Variants in SLC25A26 observed in about 807,000 individuals in gnomAD.
The protein encoded by SLC25A26 is solute carrier family 25 member 26.
A neutral mutation model predicts 37.8 loss-of-function variants in SLC25A26; 36 were observed. The ratio of observed to expected loss-of-function variants is 0.95; its 90% CI spans 0.73 to 1.26. The LOEUF is 1.26. Ranked by LOEUF, SLC25A26 falls within the 50% of genes most tolerant of loss-of-function variation. The pLI, the probability that SLC25A26 is intolerant of heterozygous loss-of-function variation, is 0.00. For missense variants in SLC25A26, 390 were observed against 331.1 expected, an observed-to-expected ratio of 1.18 and a Z score of -1.38; for synonymous variants, 129 against 122.5, an observed-to-expected ratio of 1.05 and a Z score of -0.35.
intron 3 of SLC25A26, among the ~76,000 whole-genome samples, chr3:66,249,890 C>G (rs188589368): frequency 3.9e-5 from 6 of 152,330 alleles, no homozygotes; most frequent in East Asian, 3.9e-4. Flanking sequence ...ACAGAACTGT[C>G]AGATACCTGA....
At chr3:66,136,987 T>C (rs2106656678) in intron 1 of SLC25A26, among the ~76,000 whole-genome samples, 1 of 152,286 alleles carries the variant, frequency 6.6e-6, no homozygotes, top group South Asian at 2.1e-4. Flanking sequence ...CTCTTATTTA[T>C]TGAAAATAAT....
intron 5 of SLC25A26, among the ~76,000 whole-genome samples, chr3:66,271,837 T>C (rs78315668): frequency 6.6e-6 from 1 of 152,140 alleles, no homozygotes; most frequent in Non-Finnish European, 1.5e-5. Context: ...TTTTTTTTTT[T>C]GGTCATTCTC....
intron 6 of SLC25A26, among the ~76,000 whole-genome samples, chr3:66,350,649 A>C (rs2076429387): frequency 6.6e-6 from 1 of 151,988 alleles, no homozygotes; most frequent in Non-Finnish European, 1.5e-5. Flanking sequence ...AAGTTTCTCA[A>C]CACCCTGTCC....
intron 6 of SLC25A26, among the ~76,000 whole-genome samples, chr3:66,355,070 A>C (rs1368983096): frequency 6.6e-6 from 1 of 152,142 alleles, no homozygotes; most frequent in Non-Finnish European, 1.5e-5. Context: ...CCCCAGTCAG[A>C]ATAAATATCC....
intron 3 of SLC25A26, among the ~76,000 whole-genome samples, chr3:66,252,381 C>T (rs1470944994): frequency 1.3e-5 from 2 of 152,204 alleles, no homozygotes; most frequent in Non-Finnish European, 2.9e-5. Flanking sequence ...TTGGATCCAT[C>T]TGTTAAATAA....
chr3:66,216,527 T>C (rs1011794741), upstream of SLC25A26, among the ~76,000 whole-genome samples: 4 of 150,768 alleles, frequency 2.7e-5, no homozygotes, highest in East Asian at 3.9e-4. Flanking sequence ...AACAAACAAA[T>C]AAACAAAAAA....
intron 3 of SLC25A26, among the ~76,000 whole-genome samples, chr3:66,253,182 C>T (rs1402059845): frequency 1.3e-5 from 2 of 151,244 alleles, no homozygotes; most frequent in Admixed American, 6.6e-5. Flanking sequence ...CTAAGGCGGG[C>T]GGATCGTGAG....
At chr3:66,287,444 TTC>T (rs1435862136) in intron 5 of SLC25A26, among the ~76,000 whole-genome samples, 1 of 152,236 alleles carries the variant, frequency 6.6e-6, no homozygotes, top group Admixed American at 6.5e-5. Context: ...TTCACTTTTT[TTC>T]TGTCTCTATT....
intron 3 of SLC25A26, among the ~76,000 whole-genome samples, chr3:66,252,204 C>G (rs1332093503): frequency 6.6e-6 from 1 of 152,154 alleles, no homozygotes; most frequent in African/African-American, 2.4e-5. Context: ...AAAATATTGC[C>G]TTGTTAAGAT....
chr3:66,293,147 A>G (rs1032030610), intron 5 of SLC25A26: 2 of 152,172 alleles, frequency 1.3e-5, no homozygotes, highest in African/African-American at 4.8e-5. Flanking sequence ...TTTGCATGTC[A>G]TCCTTGCACA....
chr3:66,296,240 A>G (rs1416121929), intron 5 of SLC25A26, among the ~76,000 whole-genome samples: 2 of 152,224 alleles, frequency 1.3e-5, no homozygotes, highest in African/African-American at 4.8e-5. Flanking sequence ...GCATGTGGAC[A>G]GGGATGAAAT....
intron 1 of SLC25A26, among the ~76,000 whole-genome samples, chr3:66,191,728 A>T (rs1202538633): frequency 2.0e-5 from 3 of 151,866 alleles, no homozygotes; most frequent in Admixed American, 1.3e-4. Flanking sequence ...CATCTCTACT[A>T]AAAATACAGA....
At chr3:66,300,587 A>T (rs55740049) in intron 5 of SLC25A26, among the ~76,000 whole-genome samples, 2 of 152,110 alleles carry the variant, frequency 1.3e-5, no homozygotes, top group South Asian at 2.1e-4. Context: ...TTTAAGATCC[A>T]TAACAGAATA....
chr3:66,177,850 G>A (rs761876151), intron 1 of SLC25A26, among the ~76,000 whole-genome samples: 1 of 152,186 alleles, frequency 6.6e-6, no homozygotes, highest in Non-Finnish European at 1.5e-5. Context: ...ACTGTAATCT[G>A]GTATAGGCCA....
chr3:66,300,261 T>TTTTTG (rs1553688723), intron 5 of SLC25A26, among the ~76,000 whole-genome samples: 1 of 141,852 alleles, frequency 7.0e-6, no homozygotes, highest in Non-Finnish European at 1.5e-5. Context: ...GTTTTGTTTT[T>TTTTTG]TTTTTTTTTT....
intron 1 of SLC25A26, among the ~76,000 whole-genome samples, chr3:66,234,672 C>A (rs1292528173): frequency 3.3e-5 from 5 of 152,020 alleles, no homozygotes; most frequent in Non-Finnish European, 7.4e-5. Context: ...AAGTTAACTC[C>A]TGGGATGGTT....
At chr3:66,316,781 A>G (rs985841290) in intron 5 of SLC25A26, among the ~76,000 whole-genome samples, 1 of 152,104 alleles carries the variant, frequency 6.6e-6, no homozygotes, top group Non-Finnish European at 1.5e-5. Flanking sequence ...GTTTTTTAAC[A>G]TAATCCCATA....
At chr3:66,141,918 T>C (rs1163512830) in intron 1 of SLC25A26, among the ~76,000 whole-genome samples, 1 of 152,262 alleles carries the variant, frequency 6.6e-6, no homozygotes, top group Non-Finnish European at 1.5e-5. Context: ...CAGAGAGTTC[T>C]GAAACAAGTT....
intron 3 of SLC25A26, among the ~76,000 whole-genome samples, chr3:66,260,077 C>G (rs2073462802): frequency 6.6e-6 from 1 of 152,178 alleles, no homozygotes; most frequent in East Asian, 1.9e-4. Context: ...TTCTTGCCAG[C>G]TCATTCCGGC....
Sources: allele counts gnomAD v4.1 joint callset (sites outside exome capture counted in the v4.1 genomes callset), GRCh38; gene constraint gnomAD v4.1.1; transcripts MANE v1.5; gene names NCBI Gene and HGNC (gene_info 2026-07-23, HGNC 2026-07-21).